Variants in CSMD1 observed in about 807,000 individuals in gnomAD.
The protein encoded by CSMD1 is CUB and sushi domain-containing protein 1.
A neutral mutation model predicts 417.5 loss-of-function variants in CSMD1; 213 were observed. The ratio of observed to expected loss-of-function variants is 0.51; its 90% CI spans 0.46 to 0.57. The LOEUF is 0.57. Ranked by LOEUF, CSMD1 falls within the 20% of genes least tolerant of loss-of-function variation. The pLI, the probability that CSMD1 is intolerant of heterozygous loss-of-function variation, is 0.00. For synonymous variants in CSMD1, 2,862 were observed against 1,736.8 expected (o/e 1.65, Z -16.11); for missense variants, 6,923 against 4,529.7 (o/e 1.53, Z -15.17).
intron 3 of CSMD1, among the ~76,000 whole-genome samples, chr8:4,309,412 GAAAGA>G (rs1338080545): frequency 6.6e-6 from 1 of 151,902 alleles, no homozygotes; most frequent in African/African-American, 2.4e-5. Context: ...TTGGAAATTT[GAAAGA>G]AATTAAATTC....
chr8:4,316,925 C>G (rs936980913), intron 3 of CSMD1, among the ~76,000 whole-genome samples: 4 of 151,876 alleles, frequency 2.6e-5, no homozygotes, highest in African/African-American at 9.7e-5. Flanking sequence ...AAGCCAGGTA[C>G]TGAATGAAAA....
At chr8:4,620,181 G>A (rs779334283) in intron 2 of CSMD1, among the ~76,000 whole-genome samples, 3 of 151,640 alleles carry the variant, frequency 2.0e-5, no homozygotes, top group East Asian at 3.9e-4. Context: ...TGTGTTTGGT[G>A]TTCAGAAAGT....
chr8:4,014,913 T>C (rs998512060), intron 4 of CSMD1, among the ~76,000 whole-genome samples: 1 of 152,202 alleles, frequency 6.6e-6, no homozygotes, highest in Middle Eastern at 3.2e-3. Flanking sequence ...CTTCTGATTA[T>C]TTTTTAAGCC....
chr8:4,390,528 T>TA (rs71534398), intron 3 of CSMD1, among the ~76,000 whole-genome samples: 15 of 150,996 alleles, frequency 9.9e-5, no homozygotes, highest in African/African-American at 2.4e-4. Flanking sequence ...TTTATTTATT[T>TA]TTTGAGATGG....
intron 1 of CSMD1, among the ~76,000 whole-genome samples, chr8:4,918,598 G>A (rs1393278316): frequency 6.6e-6 from 1 of 152,022 alleles, no homozygotes; most frequent in Non-Finnish European, 1.5e-5. Flanking sequence ...AAGACACAAA[G>A]CTGAAAAGTG....
chr8:4,900,627 G>A (rs550028273), intron 1 of CSMD1, among the ~76,000 whole-genome samples: 1 of 152,210 alleles, frequency 6.6e-6, no homozygotes, highest in South Asian at 2.1e-4. Flanking sequence ...GTGCCCCTAG[G>A]CTGTTCATCC....
chr8:3,413,933 G>C (rs971959504), intron 12 of CSMD1, among the ~76,000 whole-genome samples: 1 of 151,876 alleles, frequency 6.6e-6, no homozygotes, highest in African/African-American at 2.4e-5. Flanking sequence ...GAGATCATGA[G>C]TTGGAGACCA....
chr8:3,149,714 G>A (rs990949711), intron 40 of CSMD1, among the ~76,000 whole-genome samples: 6 of 152,060 alleles, frequency 3.9e-5, no homozygotes, highest in Non-Finnish European at 5.9e-5. Context: ...CTGACCTTGC[G>A]ATCCACCGGC....
At chr8:4,278,128 A>G (rs1254241736) in intron 3 of CSMD1, among the ~76,000 whole-genome samples, 6 of 152,216 alleles carry the variant, frequency 3.9e-5, no homozygotes, top group African/African-American at 1.2e-4. Context: ...TTATGCTCAT[A>G]TAACTTCCAC....
intron 2 of CSMD1, among the ~76,000 whole-genome samples, chr8:4,634,011 C>G (rs925102304): frequency 7.7e-6 from 1 of 129,942 alleles, no homozygotes; most frequent in Non-Finnish European, 1.7e-5. Context: ...AAAAAAAAAA[C>G]AATGAAGAGA....
intron 2 of CSMD1, among the ~76,000 whole-genome samples, chr8:4,436,433 T>TG (rs938648340): frequency 9.2e-5 from 14 of 152,262 alleles, no homozygotes; most frequent in African/African-American, 3.1e-4. Flanking sequence ...TGTGTATTTG[T>TG]GGGGTACATG....
intron 8 of CSMD1, among the ~76,000 whole-genome samples, chr8:3,597,173 G>T (rs571677520): frequency 1.3e-5 from 2 of 152,288 alleles, no homozygotes; most frequent in South Asian, 2.1e-4. Flanking sequence ...TGCCCCAGGG[G>T]TCATACTTTG....
At chr8:4,523,319 T>C (rs1424016323) in intron 2 of CSMD1, among the ~76,000 whole-genome samples, 1 of 152,202 alleles carries the variant, frequency 6.6e-6, no homozygotes, top group Non-Finnish European at 1.5e-5. Flanking sequence ...TGAAACTGTA[T>C]ACATAATAGA....
rs1423694529 is a variant in CSMD1, at chr8:3,892,039, A to T, written c.818+105864T>A. Among the ~76,000 whole-genome samples, 3 of 152,290 alleles carry T rather than the reference A, an allele frequency of 2.0e-5. No homozygotes were observed. In the East Asian group the frequency reaches 5.8e-4, roughly 29 times the overall value. Reference sequence around the variant, plus strand: ...ATAGTCGCAAACAAAAAAAAAAAAAATTAAGGAAAGTCACATTTGGGTAAG... The same window carrying T: ...ATAGTCGCAAACAAAAAAAAAAAAATTTAAGGAAAGTCACATTTGGGTAAG... On this transcript the variant is annotated intron_variant, in intron 5 of 69. Coordinates refer to ENST00000635120, the MANE Select transcript of CSMD1 (RefSeq NM_033225.6).
At chr8:3,975,854 G>T (rs759184584) in intron 5 of CSMD1, among the ~76,000 whole-genome samples, 2 of 151,968 alleles carry the variant, frequency 1.3e-5, no homozygotes, top group Admixed American at 1.3e-4. Context: ...AGTTATTGTT[G>T]TCCTTCATTT....
At chr8:3,144,674 G>T (rs1237863870) in intron 40 of CSMD1, among the ~76,000 whole-genome samples, 2 of 151,840 alleles carry the variant, frequency 1.3e-5, no homozygotes, top group Non-Finnish European at 2.9e-5. Context: ...GTCAAATACT[G>T]CTGTTTGTTG....
chr8:4,449,894 A>G (rs1799033259), intron 2 of CSMD1, among the ~76,000 whole-genome samples: 1 of 152,106 alleles, frequency 6.6e-6, no homozygotes, highest in African/African-American at 2.4e-5. Context: ...AACCTCCATA[A>G]CATATGTATA....
chr8:3,670,894 G>GCGA (rs1563255612), intron 7 of CSMD1, among the ~76,000 whole-genome samples: 3,634 of 126,478 alleles, frequency 0.029, 168 homozygotes, highest in Middle Eastern at 0.065. Flanking sequence ...ATATATGTAT[G>GCGA]TGATATATAT....
rs138448043 is a variant in CSMD1, at chr8:3,760,932, C to G, written c.819-6890G>C. Among the ~76,000 whole-genome samples the G allele has an allele frequency of 1.7e-3, 254 of 151,440 alleles. 1 individual carries two copies. Among genetic ancestry groups the G allele is most frequent in the African/African-American group, 5.8e-3 (241 of 41,300 alleles). ...GAGACCAGTTTTGTGTCAATTTGGG[C>G]AGAAAGCCATATAAAAGATGTGCTT... On this transcript the variant is annotated intron_variant, in intron 5 of 69. Coordinates refer to ENST00000635120, the MANE Select transcript of CSMD1 (RefSeq NM_033225.6).
Sources: gnomAD v4.1 joint callset for allele counts (sites outside exome capture counted in the v4.1 genomes callset) on GRCh38, gnomAD v4.1.1 for gene constraint, MANE v1.5 for transcripts, NCBI Gene and HGNC (gene_info 2026-07-23, HGNC 2026-07-21) for gene names.